FAM168B: variants seen among roughly 807,000 people sequenced by gnomAD.
FAM168B encodes the protein family with sequence similarity 168 member B.
FAM168B carries 19 observed loss-of-function variants against 21.8 expected under a neutral mutation model. The ratio of observed to expected loss-of-function variants is 0.87; its 90% CI spans 0.61 to 1.28. FAM168B has a LOEUF of 1.28. Among genes scored for constraint, FAM168B ranks in the 50% most tolerant of loss-of-function variants. The probability of loss-of-function intolerance (pLI) is 0.00; values close to 1 mark genes in which losing one functional copy is unlikely to be tolerated. For synonymous variants in FAM168B, 126 were observed against 104.8 expected (o/e 1.20, Z -1.24); for missense variants, 233 against 263.1 (o/e 0.89, Z 0.79).
chr2:131,063,227 A>G (rs958760389), intron 3 of FAM168B, among the ~76,000 whole-genome samples: 2 of 151,890 alleles, frequency 1.3e-5, no homozygotes, highest in Admixed American at 6.6e-5. Flanking sequence ...TCACTGTGAA[A>G]TTTCTGCAAC....
intron 2 of FAM168B, among the ~76,000 whole-genome samples, chr2:131,082,331 TTAA>T (rs1203991005): frequency 1.3e-5 from 2 of 152,140 alleles, no homozygotes; most frequent in Non-Finnish European, 2.9e-5. Flanking sequence ...CAACACTAAG[TTAA>T]TACTGAGGAA....
At chr2:131,083,066 C>T (rs1056775970) in intron 1 of FAM168B, among the ~76,000 whole-genome samples, 4 of 151,980 alleles carry the variant, frequency 2.6e-5, no homozygotes, top group African/African-American at 9.7e-5. Flanking sequence ...ACTAAAAATA[C>T]AAAAATTGGC....
In FAM168B at chr2:131,048,882, G is replaced by T. The variant is rs1433991510; in HGVS notation, c.*3583C>A. 3 of 985,918 alleles carry T rather than the reference G, an allele frequency of 3.0e-6. No homozygotes were observed. The highest frequency in any genetic ancestry group is 3.6e-6 in the Non-Finnish European group (3 of 830,104). 61.1% of individuals were successfully genotyped at this position (985,918 alleles called of 1,614,324 possible). On this transcript the variant is annotated 3_prime_UTR_variant, in exon 7 of 7. Coordinates refer to ENST00000389915, the MANE Select transcript of FAM168B (RefSeq NM_001009993.4). ...CTGCGCCCAATGGAGGTCCTGTCCTGTCCGGGCAACAGCCAAACTGGCGAC... is the reference window on the plus strand; with the variant it reads ...CTGCGCCCAATGGAGGTCCTGTCCTTTCCGGGCAACAGCCAAACTGGCGAC...
At chr2:131,091,195 T>G (rs1441645495) in intron 1 of FAM168B, among the ~76,000 whole-genome samples, 1 of 152,004 alleles carries the variant, frequency 6.6e-6, no homozygotes, top group Non-Finnish European at 1.5e-5. Context: ...AAACATTACC[T>G]GGGCAGGGTG....
chr2:131,076,460 G>A (rs1375687174), intron 2 of FAM168B, among the ~76,000 whole-genome samples: 3 of 151,720 alleles, frequency 2.0e-5, no homozygotes, highest in Non-Finnish European at 2.9e-5. Context: ...AGGAGATTGA[G>A]ACCACGATGA....
In FAM168B at chr2:131,075,731, G is replaced by A. The variant is rs147574775; in HGVS notation, c.71-3793C>T. The stretch of plus-strand genomic sequence containing the variant: ...TCTCGATCTACATACCTCGTGATCC[G>A]CCCACCCCGGCCTCCCAAAGTGCTG... On this transcript the variant is annotated intron_variant, in intron 2 of 6. Transcript: ENST00000389915. 6.0e-3 allele frequency among the ~76,000 whole-genome samples: 913 copies of A among 151,926 alleles called. 10 individuals are homozygous for A. Among genetic ancestry groups the A allele is most frequent in the African/African-American group, 0.02 (839 of 41,422 alleles).
Position 131,049,426 on chromosome 2 carries a change from G to T in FAM168B, c.*3039C>A. ...CACACCAAGAAGAACGTTCTTAACA[G>T]ATGGCTCACGAGAGACATAAAAGGT... is the stretch of plus-strand genomic sequence containing the variant. On this transcript the variant is annotated 3_prime_UTR_variant, in exon 7 of 7. Coordinates refer to ENST00000389915, the MANE Select transcript of FAM168B (RefSeq NM_001009993.4). 1 of 985,408 alleles carries T rather than the reference G, an allele frequency of 1.0e-6. No individual in the cohort carries two copies. Among genetic ancestry groups the T allele is most frequent in the Non-Finnish European group, 1.2e-6 (1 of 829,940 alleles). The allele number at this position is 985,408 out of a possible 1,614,324, so 61.0% of individuals were successfully genotyped here. A position where few individuals can be genotyped will look rare whatever the true frequency, so the allele number is the denominator to read the frequency against.
At chr2:131,067,644 G>A (rs1261494248) in intron 3 of FAM168B, among the ~76,000 whole-genome samples, 1 of 152,100 alleles carries the variant, frequency 6.6e-6, no homozygotes, top group Non-Finnish European at 1.5e-5. Flanking sequence ...TTGGGAAGCT[G>A]AGGCAGGATT....
In FAM168B at chr2:131,048,637, C is replaced by G. The variant is rs763170218; in HGVS notation, c.*3828G>C. 9 of 1,049,336 alleles carry G rather than the reference C, an allele frequency of 8.6e-6. No homozygotes were observed. In the Admixed American group the frequency reaches 2.1e-4, roughly 24 times the overall value. 65.0% of individuals were successfully genotyped at this position (1,049,336 alleles called of 1,614,324 possible). On this transcript the variant is annotated 3_prime_UTR_variant, in exon 7 of 7. Coordinates refer to ENST00000389915, the MANE Select transcript of FAM168B (RefSeq NM_001009993.4). ...GTTGAGCCCCTGGAGCCCTCAGGAC[C>G]TACTGATAAAGCATGTCCTCTGCAG...
chr2:131,091,965 T>TAA (rs57542340), intron 1 of FAM168B, among the ~76,000 whole-genome samples: 22,605 of 128,582 alleles, frequency 0.18, 2,124 homozygotes, highest in African/African-American at 0.28. Context: ...TCGTCTCTAC[T>TAA]AAAAAAAAAA....
In FAM168B at chr2:131,055,620, G is replaced by A. The variant is rs1452016957; in HGVS notation, c.230C>T (p.Pro77Leu). ...GTACACGGCAGTCTGGTAGGGGTTC[G>A]GGGAGGAGGAGTACGGTGGCACAGC... ...SGAVPPYSSS[P>L]NPYQTAVYPV... is the part of the protein sequence containing the mutation. The change falls in exon 4 of 7, where the codon CCG becomes CTG. Residue 77 changes from proline (P) to leucine (L), a missense_variant. Physicochemically the swap from Pro to Leu is moderately conservative, Grantham distance 98. Coordinates refer to ENST00000389915, the MANE Select transcript of FAM168B (RefSeq NM_001009993.4). 9 of 1,612,138 alleles carry A rather than the reference G, an allele frequency of 5.6e-6. No individual in the cohort carries two copies. Among genetic ancestry groups the A allele is most frequent in the Admixed American group, 3.3e-5 (2 of 59,778 alleles).
At chr2:131,081,251 C>A (rs1386972087) in intron 2 of FAM168B, among the ~76,000 whole-genome samples, 1 of 152,194 alleles carries the variant, frequency 6.6e-6, no homozygotes, top group Admixed American at 6.5e-5. Flanking sequence ...TGTGACATAG[C>A]ATCTACCTGA....
chr2:131,071,881 G>A lies in FAM168B; in HGVS notation c.128C>T (p.Pro43Leu). The change falls in exon 3 of 7, where the codon CCT (proline) becomes CTT (leucine). Residue 43 changes from proline to leucine, a missense_variant. Coordinates refer to ENST00000389915, the MANE Select transcript of FAM168B (RefSeq NM_001009993.4). ...AAPAYSPNMY[P>L]GANPTFQTGY... The stretch of plus-strand genomic sequence containing the variant: ...TGTTTGGAAGGTAGGATTCGCTCCA[G>A]GATACATGTTAGGAGAATAGGCAGG... The A allele has an allele frequency of 6.2e-7, 1 of 1,614,060 alleles. No individual in the cohort carries two copies. The highest frequency in any genetic ancestry group is 8.5e-7 in the Non-Finnish European group (1 of 1,179,972).
chr2:131,055,793 C>G (rs1691991031), intron 3 of FAM168B, 98 bp from the exon 4 acceptor site: 1 of 1,449,912 alleles, frequency 6.9e-7, no homozygotes, highest in Non-Finnish European at 9.3e-7. Flanking sequence ...GTCAGCCCCA[C>G]GCAACTCGCC....
rs142731578 is a variant in FAM168B, at chr2:131,074,270, G to A, written c.71-2332C>T. Among the ~76,000 whole-genome samples the A allele has an allele frequency of 2.9e-3, 435 of 151,982 alleles. 1 individual carries two copies. Among genetic ancestry groups the A allele is most frequent in the Non-Finnish European group, 3.8e-3 (258 of 67,932 alleles). The stretch of plus-strand genomic sequence containing the variant: ...CATCCTCCCAAGTAGCTGGGATTTC[G>A]GGCACACGCCACCATGTCCAGCTAA... On this transcript the variant is annotated intron_variant, in intron 2 of 6. Coordinates refer to ENST00000389915, the MANE Select transcript of FAM168B (RefSeq NM_001009993.4).
intron 1 of FAM168B, among the ~76,000 whole-genome samples, chr2:131,090,029 CAAAA>C (rs995864104): frequency 3.3e-5 from 4 of 122,424 alleles, no homozygotes; most frequent in African/African-American, 1.3e-4. Context: ...CGCTCCATCT[CAAAA>C]AAAGAGGCCG....
intron 3 of FAM168B, among the ~76,000 whole-genome samples, chr2:131,063,056 T>C (rs1045358359): frequency 6.6e-6 from 1 of 152,224 alleles, no homozygotes; most frequent in Non-Finnish European, 1.5e-5. Context: ...ACAAGTAAAA[T>C]GTTACTTGTA....
chr2:131,053,529 GCT>G, intron 5 of FAM168B, among the ~76,000 whole-genome samples: 1 of 152,298 alleles, frequency 6.6e-6, no homozygotes, highest in South Asian at 2.1e-4. Flanking sequence ...ACGTTCTGGA[GCT>G]CTGTTTCACA....
chr2:131,067,388 G>A (rs564325062), intron 3 of FAM168B, among the ~76,000 whole-genome samples: 2 of 152,288 alleles, frequency 1.3e-5, no homozygotes, highest in Admixed American at 6.5e-5. Flanking sequence ...GTCAGACTCC[G>A]CATATACAGC....
Sources: gnomAD v4.1 joint callset for allele counts (sites outside exome capture counted in the v4.1 genomes callset) on GRCh38, gnomAD v4.1.1 for gene constraint, MANE v1.5 for transcripts, NCBI Gene and HGNC (gene_info 2026-07-23, HGNC 2026-07-21) for gene names.